Variants in SNX29 observed in about 807,000 individuals in gnomAD.
SNX29 encodes sorting nexin 29, also known as sorting nexin-29.
SNX29 carries 78 observed loss-of-function variants against 102.1 expected under a neutral mutation model. The observed-to-expected ratio is 0.76, with a 90% CI of 0.64 to 0.92. The LOEUF is 0.92. Among genes scored for constraint, SNX29 ranks in the 40% least tolerant of loss-of-function variants. The probability of loss-of-function intolerance (pLI) is 0.00; values close to 1 mark genes in which losing one functional copy is unlikely to be tolerated. For synonymous variants in SNX29, 580 were observed against 414.5 expected, an observed-to-expected ratio of 1.40 and a Z score of -4.85; for missense variants, 1,280 against 1,061.7, an observed-to-expected ratio of 1.21 and a Z score of -2.86.
At chr16:12,238,981 G>A (rs2078019343) in intron 14 of SNX29, among the ~76,000 whole-genome samples, 1 of 152,176 alleles carries the variant, frequency 6.6e-6, no homozygotes, top group South Asian at 2.1e-4. Flanking sequence ...AGGCCAAAAG[G>A]ACTCTCCCCC....
chr16:12,414,428 A>T (rs1257782371), intron 18 of SNX29, among the ~76,000 whole-genome samples: 1 of 152,212 alleles, frequency 6.6e-6, no homozygotes, highest in African/African-American at 2.4e-5. Context: ...CTTTTCACCA[A>T]GTCATATTAA....
chr16:12,491,519 T>TTTA lies in SNX29; in HGVS notation c.2178+13660_2178+13661insTTA, dbSNP rs567348212. ...TTTTGTTGCTGCTGTTGTTTTTTTT[T>TTTA]ATGTGACTTATTTTTTTTTATTATT... On this transcript the variant is annotated intron_variant, in intron 19 of 20. Coordinates refer to ENST00000566228, the MANE Select transcript of SNX29 (RefSeq NM_032167.5). Among the ~76,000 whole-genome samples the TTTA allele has an allele frequency of 1.2e-4, 18 of 152,324 alleles. No homozygotes were observed. In the East Asian group the frequency reaches 2.9e-3, roughly 24 times the overall value.
chr16:12,467,318 C>G (rs1476145032), intron 18 of SNX29, among the ~76,000 whole-genome samples: 1 of 152,182 alleles, frequency 6.6e-6, no homozygotes, highest in Non-Finnish European at 1.5e-5. Flanking sequence ...GAAAGAAAAC[C>G]CATTTGTATA....
intron 15 of SNX29, among the ~76,000 whole-genome samples, chr16:12,341,367 G>T (rs1243853778): frequency 6.6e-6 from 1 of 152,196 alleles, no homozygotes; most frequent in African/African-American, 2.4e-5. Context: ...TTGCAAAGCT[G>T]CCTTTAACAA....
rs2076338620 is a variant in SNX29 at position 12,179,655 on chromosome 16, A to G, written c.1596-19946A>G. The stretch of plus-strand genomic sequence containing the variant: ...TGCTTTCCACCAGTTCTCTGTTGGT[A>G]TGTTGCTAGTCGTTTAGGTTATTGC... On this transcript the variant is annotated intron_variant, in intron 13 of 20. Transcript: ENST00000566228. Among the ~76,000 whole-genome samples the G allele has an allele frequency of 2.0e-5, 3 of 152,246 alleles. No individual in the cohort carries two copies. In the South Asian group the frequency reaches 6.2e-4, roughly 32 times the overall value.
In SNX29 at chr16:12,048,460, A is replaced by G. The variant is rs3743594; in HGVS notation, c.588A>G (p.Leu196=). 1.4e-4 allele frequency: 223 copies of G among 1,613,876 alleles called. No homozygotes were observed. In the East Asian group the frequency reaches 4.9e-3, roughly 35 times the overall value. ...SKFAPTVSDL[L]KESTQNVTSL... ...TTGCTCCCACCGTTTCAGACCTCTT[A>G]AAGGAGTCAACGCAGAACGTGACCT... The change falls in exon 7 of 21, where the codon TTA becomes TTG. Residue 196 remains leucine, a synonymous_variant. Coordinates refer to ENST00000566228, the MANE Select transcript of SNX29 (RefSeq NM_032167.5).
intron 15 of SNX29, among the ~76,000 whole-genome samples, chr16:12,301,285 C>A (rs1292794247): frequency 3.3e-5 from 5 of 152,234 alleles, no homozygotes; most frequent in Non-Finnish European, 5.9e-5. Flanking sequence ...CAAGCTGATT[C>A]CAAATCCGCC....
At position 12,098,852 on chromosome 16, in the gene SNX29, T is replaced by C. The variant is rs1228197095; in HGVS notation, c.1402+19937T>C. Among the ~76,000 whole-genome samples, 1 of 152,184 alleles carries C rather than the reference T, an allele frequency of 6.6e-6. No homozygotes were observed. The highest frequency in any genetic ancestry group is 1.5e-5 in the Non-Finnish European group (1 of 68,028). On this transcript the variant is annotated intron_variant, in intron 11 of 20. Transcript: ENST00000566228. The surrounding 1 kb of genome is among the most constrained non-coding windows in gnomAD (Gnocchi z 6.0). ...CCTCAGGGCAGTTCCTGAGCACACC[T>C]TGTGGGGAGGTGAACAGGTGGGTGG...
intron 18 of SNX29, among the ~76,000 whole-genome samples, chr16:12,448,032 C>A (rs545793662): frequency 1.3e-5 from 2 of 152,124 alleles, no homozygotes; most frequent in East Asian, 1.9e-4. Flanking sequence ...GTGGCGTTCC[C>A]GGGATTGTGC....
chr16:12,433,720 A>T (rs1469293314), intron 18 of SNX29, among the ~76,000 whole-genome samples: 2 of 151,322 alleles, frequency 1.3e-5, no homozygotes, highest in African/African-American at 4.9e-5. Flanking sequence ...GGTACTTCGG[A>T]GGCTGAGACA....
chr16:12,120,580 T>G (rs766696555), intron 11 of SNX29, among the ~76,000 whole-genome samples: 3 of 152,164 alleles, frequency 2.0e-5, no homozygotes, highest in Non-Finnish European at 2.9e-5. Flanking sequence ...CACCCCTCCC[T>G]TGGTGTCACT....
chr16:12,256,294 A>G (rs148822094), intron 14 of SNX29, among the ~76,000 whole-genome samples: 54 of 152,242 alleles, frequency 3.5e-4, no homozygotes, highest in African/African-American at 1.3e-3. Context: ...CCTATTTTGC[A>G]AACAGTTTCT....
intron 10 of SNX29, among the ~76,000 whole-genome samples, chr16:12,075,213 G>A (rs1596783191): frequency 6.6e-6 from 1 of 152,214 alleles, no homozygotes; most frequent in Non-Finnish European, 1.5e-5. Flanking sequence ...GTGAGGAACC[G>A]TGTTCCTTTG....
At chr16:12,542,708 C>G (rs58738016) in intron 20 of SNX29, among the ~76,000 whole-genome samples, 6 of 151,668 alleles carry the variant, frequency 4.0e-5, no homozygotes, top group Admixed American at 6.6e-5. Flanking sequence ...GGTGTTGGTC[C>G]CAGTCTTTTA....
At chr16:12,179,595 T>C (rs1051005826) in intron 13 of SNX29, among the ~76,000 whole-genome samples, 6 of 152,372 alleles carry the variant, frequency 3.9e-5, no homozygotes, top group Non-Finnish European at 5.9e-5. Flanking sequence ...ACTCATTCCT[T>C]TTGAATCCTG....
At chr16:12,258,220 C>T (rs1281641397) in intron 14 of SNX29, among the ~76,000 whole-genome samples, 2 of 152,192 alleles carry the variant, frequency 1.3e-5, no homozygotes, top group African/African-American at 4.8e-5. Flanking sequence ...AGCCTCCAGC[C>T]CCGTGTCATC....
intron 19 of SNX29, among the ~76,000 whole-genome samples, chr16:12,521,144 C>T (rs917042600): frequency 3.3e-5 from 5 of 152,104 alleles, no homozygotes; most frequent in Admixed American, 6.6e-5. Flanking sequence ...CGTGTCACTG[C>T]ACTGCACCCT....
At chr16:12,419,923 A>C (rs1052308824) in intron 18 of SNX29, among the ~76,000 whole-genome samples, 1 of 152,238 alleles carries the variant, frequency 6.6e-6, no homozygotes, top group African/African-American at 2.4e-5. Context: ...GATGGTGTTT[A>C]ACTGGCCAAA....
At chr16:12,537,492 G>T (rs551210583) in intron 20 of SNX29, among the ~76,000 whole-genome samples, 1 of 152,160 alleles carries the variant, frequency 6.6e-6, no homozygotes, top group Non-Finnish European at 1.5e-5. Context: ...GGTGATAGTG[G>T]CAGAGATTTC....
Sources: allele counts gnomAD v4.1 joint callset (sites outside exome capture counted in the v4.1 genomes callset), GRCh38; gene constraint gnomAD v4.1.1; non-coding constraint Gnocchi (gnomAD v3.1); transcripts MANE v1.5; gene names NCBI Gene and HGNC (gene_info 2026-07-23, HGNC 2026-07-21).